Variants in PTPRD observed in about 807,000 individuals in gnomAD.
PTPRD encodes the protein receptor-type tyrosine-protein phosphatase delta.
PTPRD carries 34 observed loss-of-function variants against 214.5 expected under a neutral mutation model. The observed-to-expected ratio is 0.16, with a 90% CI of 0.12 to 0.21. PTPRD has a LOEUF of 0.21. Among genes scored for constraint, PTPRD ranks in the 10% least tolerant of loss-of-function variants. The pLI is 1.00. For synonymous variants in PTPRD, 1,128 were observed against 845.7 expected (o/e 1.33, Z -5.79); for missense variants, 2,545 against 2,398.7 (o/e 1.06, Z -1.27).
intron 9 of PTPRD, among the ~76,000 whole-genome samples, chr9:9,242,291 G>T (rs201595160): frequency 3.3e-5 from 5 of 151,904 alleles, no homozygotes; most frequent in Non-Finnish European, 5.9e-5. Flanking sequence ...TTTCCTTCAT[G>T]TCAACTTTGG....
intron 30 of PTPRD, among the ~76,000 whole-genome samples, chr9:8,477,093 A>T (rs10977148): frequency 6.6e-6 from 1 of 151,940 alleles, no homozygotes; most frequent in Admixed American, 6.6e-5. Flanking sequence ...CAACCAAATC[A>T]TATGAGCTGA....
At chr9:10,291,469 T>TATAAAAAC (rs2095526322) in intron 3 of PTPRD, among the ~76,000 whole-genome samples, 1 of 152,110 alleles carries the variant, frequency 6.6e-6, no homozygotes, top group African/African-American at 2.4e-5. Flanking sequence ...GGGTGGACCC[T>TATAAAAAC]ACATATAATC....
chr9:10,252,146 A>G (rs1402995024), intron 3 of PTPRD, among the ~76,000 whole-genome samples: 1 of 151,688 alleles, frequency 6.6e-6, no homozygotes, highest in Non-Finnish European at 1.5e-5. Flanking sequence ...AATTTTTTAA[A>G]CTAAAAAAGA....
At chr9:9,070,150 T>C (rs1222966082) in intron 10 of PTPRD, among the ~76,000 whole-genome samples, 1 of 152,168 alleles carries the variant, frequency 6.6e-6, no homozygotes, top group Non-Finnish European at 1.5e-5. Flanking sequence ...CAAGGAAATA[T>C]TGACTTAAAT....
intron 5 of PTPRD, among the ~76,000 whole-genome samples, chr9:9,867,007 G>A (rs528044173): frequency 6.6e-6 from 1 of 152,116 alleles, no homozygotes; most frequent in African/African-American, 2.4e-5. Flanking sequence ...TGGCTTTATA[G>A]TATTCAAACT....
At chr9:10,090,569 G>A (rs982771873) in intron 3 of PTPRD, among the ~76,000 whole-genome samples, 16 of 150,354 alleles carry the variant, frequency 1.1e-4, no homozygotes, top group South Asian at 6.3e-4. Flanking sequence ...GTATTTTAAT[G>A]TATTTTATGG....
At chr9:9,065,917 C>A (rs2099729978) in intron 10 of PTPRD, among the ~76,000 whole-genome samples, 1 of 152,074 alleles carries the variant, frequency 6.6e-6, no homozygotes, top group Non-Finnish European at 1.5e-5. Context: ...GTGCCTAATT[C>A]ATAACTTAAT....
At chr9:9,420,071 C>G (rs2142408233) in intron 8 of PTPRD, among the ~76,000 whole-genome samples, 1 of 148,454 alleles carries the variant, frequency 6.7e-6, no homozygotes, top group East Asian at 2.0e-4. Context: ...TTAAACTGAT[C>G]TTTTAAAATG....
chr9:10,013,159 T>C (rs80228885), intron 4 of PTPRD, among the ~76,000 whole-genome samples: 8,769 of 151,844 alleles, frequency 0.058, 896 homozygotes, highest in African/African-American at 0.2. Context: ...CAATAAGTCT[T>C]TATTGTCATG....
chr9:9,130,755 T>C (rs960870591), intron 10 of PTPRD, among the ~76,000 whole-genome samples: 5 of 152,120 alleles, frequency 3.3e-5, no homozygotes, highest in Non-Finnish European at 7.4e-5. Context: ...AAATCTTTGA[T>C]TGAGTGTATT....
At chr9:8,728,610 T>TG (rs2098615397) in intron 12 of PTPRD, among the ~76,000 whole-genome samples, 1 of 152,266 alleles carries the variant, frequency 6.6e-6, no homozygotes, top group Non-Finnish European at 1.5e-5. Context: ...CTAACTTTTT[T>TG]GGGAAGATCT....
At chr9:10,128,381 C>A (rs150727370) in intron 3 of PTPRD, among the ~76,000 whole-genome samples, 2 of 152,230 alleles carry the variant, frequency 1.3e-5, no homozygotes, top group Non-Finnish European at 2.9e-5. Flanking sequence ...CATTGGCATG[C>A]ACACAGGGAG....
intron 7 of PTPRD, among the ~76,000 whole-genome samples, chr9:9,705,749 GTTT>G (rs2097588275): frequency 1.3e-5 from 2 of 152,076 alleles, no homozygotes; most frequent in South Asian, 4.1e-4. Context: ...AATCAAAAAA[GTTT>G]TTTATCTGTG....
chr9:9,990,735 A>ATTT (rs1184183940), intron 4 of PTPRD, among the ~76,000 whole-genome samples: 2 of 152,176 alleles, frequency 1.3e-5, no homozygotes. Context: ...GCAAAATGGC[A>ATTT]TTTGCTTACA....
intron 14 of PTPRD, among the ~76,000 whole-genome samples, chr9:8,552,655 A>T (rs532807267): frequency 6.6e-6 from 1 of 152,218 alleles, no homozygotes; most frequent in East Asian, 1.9e-4. Context: ...ATGGATGATG[A>T]CCCTTCTCTG....
At chr9:9,079,290 G>A (rs2099755661) in intron 10 of PTPRD, among the ~76,000 whole-genome samples, 1 of 151,796 alleles carries the variant, frequency 6.6e-6, no homozygotes, top group Admixed American at 6.6e-5. Flanking sequence ...TCCACATATG[G>A]GTGAGAGCAC....
intron 2 of PTPRD, among the ~76,000 whole-genome samples, chr9:10,414,083 A>G (rs111454040): frequency 0.015 from 2,215 of 152,104 alleles, 60 homozygotes; most frequent in African/African-American, 0.051. Flanking sequence ...AGCAATAACG[A>G]TAAAAGCAAA....
chr9:9,103,233 T>C lies in PTPRD; in HGVS notation c.-143+80071A>G, dbSNP rs143132489. ...TCTAATGTCTTACTTCCAGACACAA[T>C]TTGAGAAAAAGGGATTAAGGGAACT... On this transcript the variant is annotated intron_variant, in intron 10 of 45. Coordinates refer to ENST00000381196, the MANE Select transcript of PTPRD (RefSeq NM_002839.4). Among the ~76,000 whole-genome samples, 11 of 152,202 alleles carry C rather than the reference T, an allele frequency of 7.2e-5. No homozygotes were observed. In the East Asian group the frequency reaches 2.1e-3, roughly 29 times the overall value.
chr9:9,622,834 G>A (rs2095292373), intron 7 of PTPRD, among the ~76,000 whole-genome samples: 3 of 152,166 alleles, frequency 2.0e-5, no homozygotes, highest in Non-Finnish European at 4.4e-5. Context: ...ACATCTAGCA[G>A]CTCTACCAGT....
Sources: allele counts gnomAD v4.1 joint callset (sites outside exome capture counted in the v4.1 genomes callset), GRCh38; gene constraint gnomAD v4.1.1; transcripts MANE v1.5; gene names NCBI Gene and HGNC (gene_info 2026-07-23, HGNC 2026-07-21).